SMARCC1: variants seen among roughly 807,000 people sequenced by gnomAD.
SMARCC1 encodes the protein SWI/SNF complex subunit SMARCC1.
Under a neutral mutation model 147.4 loss-of-function variants are expected in SMARCC1, and 43 were observed. That is an observed-to-expected ratio of 0.29 (90% CI 0.23 to 0.38). SMARCC1 has a LOEUF of 0.38. Among genes scored for constraint, SMARCC1 ranks in the 10% least tolerant of loss-of-function variants. The probability of loss-of-function intolerance (pLI) is 1.00; values close to 1 mark genes in which losing one functional copy is unlikely to be tolerated. For missense variants in SMARCC1, 1,119 were observed against 1,381.1 expected (o/e 0.81, Z 3.01); for synonymous variants, 495 against 484.4 (o/e 1.02, Z -0.29).
intron 26 of SMARCC1, among the ~76,000 whole-genome samples, chr3:47,592,995 T>C (rs1316569053): frequency 1.3e-5 from 2 of 151,930 alleles, no homozygotes; most frequent in Non-Finnish European, 1.5e-5. Context: ...CTTTTTTTTA[T>C]TTTTTATTTT....
intron 2 of SMARCC1, among the ~76,000 whole-genome samples, chr3:47,771,688 G>C (rs1265865397): frequency 6.6e-6 from 1 of 152,118 alleles, no homozygotes. Context: ...AGGTTGCAGT[G>C]AGCCAAGATC....
chr3:47,698,005 CAAAAAAAAAAAAAAAAAAA>C (rs71070213), intron 11 of SMARCC1, among the ~76,000 whole-genome samples: 1 of 12,490 alleles, frequency 8.0e-5, no homozygotes, highest in Non-Finnish European at 1.2e-4. Flanking sequence ...GCCTCCGCCT[CAAAAAAAAAAAAAAAAAAA>C]AAAAAAAAAG....
chr3:47,614,664 A>AG (rs1299604353), intron 25 of SMARCC1, among the ~76,000 whole-genome samples: 1 of 152,122 alleles, frequency 6.6e-6, no homozygotes, highest in Non-Finnish European at 1.5e-5. Flanking sequence ...CCCTGGTCCA[A>AG]GCCACCATAT....
chr3:47,677,685 G>C (rs910569293), intron 16 of SMARCC1, among the ~76,000 whole-genome samples: 1 of 151,718 alleles, frequency 6.6e-6, no homozygotes, highest in African/African-American at 2.4e-5. Context: ...TAAGATTACA[G>C]TCATGTGCCA....
At chr3:47,662,201 A>G in intron 20 of SMARCC1, 133 bp downstream of exon 20, 1 of 809,356 alleles carries the variant, frequency 1.2e-6, no homozygotes, top group South Asian at 1.9e-5. Context: ...TTTATAAAGA[A>G]TATGGTATCT....
At chr3:47,626,788 T>A (rs958860693) in intron 24 of SMARCC1, among the ~76,000 whole-genome samples, 7 of 152,156 alleles carry the variant, frequency 4.6e-5, no homozygotes, top group Non-Finnish European at 1.0e-4. Context: ...AACTTTCATG[T>A]CCTGTTTCTT....
rs1289450927 is a variant in SMARCC1 at position 47,702,653 on chromosome 3, C to G, written c.1041-1251G>C. Among the ~76,000 whole-genome samples the G allele has an allele frequency of 2.0e-5, 3 of 152,214 alleles. No individual in the cohort carries two copies. In the East Asian group the frequency reaches 5.8e-4, roughly 29 times the overall value. The stretch of plus-strand genomic sequence containing the variant: ...TCACTCTGTTGTCCAAGCTGGAATG[C>G]AGTGGTGCAATCACAGGTCACTGCA... On this transcript the variant is annotated intron_variant, in intron 10 of 27. Coordinates refer to ENST00000254480, the MANE Select transcript of SMARCC1 (RefSeq NM_003074.4).
chr3:47,748,324 G>A lies in SMARCC1; in HGVS notation c.316-2331C>T, dbSNP rs142265353. 8.4e-3 allele frequency among the ~76,000 whole-genome samples: 1,283 copies of A among 152,034 alleles called. 22 individuals are homozygous for A. The highest frequency in any genetic ancestry group is 0.027 in the African/African-American group (1,137 of 41,480). On this transcript the variant is annotated intron_variant, in intron 2 of 27. Coordinates refer to ENST00000254480, the MANE Select transcript of SMARCC1 (RefSeq NM_003074.4). ...TGCCTTCTGGGTTCAAGGAATTCTCGTATCTCAGCCTCCCAAGTAGTTGGG... is the reference window on the plus strand; with the variant it reads ...TGCCTTCTGGGTTCAAGGAATTCTCATATCTCAGCCTCCCAAGTAGTTGGG...
rs959640484 is a variant in SMARCC1 at position 47,722,688 on chromosome 3, C to T, written c.647-1953G>A. On this transcript the variant is annotated intron_variant, in intron 6 of 27. Transcript: ENST00000254480. Reference sequence around the variant, plus strand: ...CAACAAAAGGTGTGAGATGTAAGCTCGCTCTCTTCCCAGGTATTATAAATT... The same window carrying T: ...CAACAAAAGGTGTGAGATGTAAGCTTGCTCTCTTCCCAGGTATTATAAATT... 3.9e-5 allele frequency among the ~76,000 whole-genome samples: 6 copies of T among 152,106 alleles called. No homozygotes were observed. In the South Asian group the frequency reaches 1.0e-3, roughly 26 times the overall value.
intron 21 of SMARCC1, among the ~76,000 whole-genome samples, chr3:47,644,897 C>T (rs1442574020): frequency 6.6e-6 from 1 of 152,160 alleles, no homozygotes; most frequent in Non-Finnish European, 1.5e-5. Flanking sequence ...CTGTATTTCT[C>T]AGTATCTTTA....
At chr3:47,604,278 A>G in intron 26 of SMARCC1, 1 of 456,770 alleles carries the variant, frequency 2.2e-6, no homozygotes, top group Non-Finnish European at 4.4e-6. Flanking sequence ...GAGGCCAGAG[A>G]GATGAAAAAT....
At chr3:47,632,502 T>C (rs562251621) in intron 24 of SMARCC1, among the ~76,000 whole-genome samples, 2 of 152,062 alleles carry the variant, frequency 1.3e-5, no homozygotes, top group African/African-American at 2.4e-5. Flanking sequence ...CACTGAAGCA[T>C]AGCACAGTGG....
At chr3:47,643,099 G>A (rs1236683363) in intron 21 of SMARCC1, among the ~76,000 whole-genome samples, 3 of 152,144 alleles carry the variant, frequency 2.0e-5, no homozygotes, top group African/African-American at 4.8e-5. Flanking sequence ...GTTACTCGTA[G>A]AACCCGTCCA....
chr3:47,625,021 T>C (rs1409725850), intron 24 of SMARCC1, among the ~76,000 whole-genome samples: 2 of 151,662 alleles, frequency 1.3e-5, no homozygotes, highest in Non-Finnish European at 2.9e-5. Flanking sequence ...CAGAGCAAGA[T>C]GCTTTCTCAA....
chr3:47,699,145 A>G (rs2033888219), intron 11 of SMARCC1, among the ~76,000 whole-genome samples: 1 of 152,186 alleles, frequency 6.6e-6, no homozygotes, highest in African/African-American at 2.4e-5. Flanking sequence ...TTCTTAGGAC[A>G]CAAGAAAAGT....
Position 47,604,490 on chromosome 3 carries a change from A to C in SMARCC1, c.3043+5576T>G, listed in dbSNP as rs573728329. On this transcript the variant is annotated intron_variant, in intron 26 of 27. Transcript: ENST00000254480. ...CTGGAACTTAGGAATCATGAGTTGGAAGGACCTGCTCATAGTTCTTACCTT... is the reference window on the plus strand; with the variant it reads ...CTGGAACTTAGGAATCATGAGTTGGCAGGACCTGCTCATAGTTCTTACCTT... The C allele has an allele frequency of 3.3e-4, 121 of 365,798 alleles. 2 individuals carry two copies. The highest frequency in any genetic ancestry group is 2.4e-3 in the African/African-American group (111 of 46,998). The allele number at this position is 365,798 out of a possible 1,614,324, so 22.7% of individuals were successfully genotyped here.
chr3:47,610,419 CT>C, intron 25 of SMARCC1, 92 bp from the exon 26 acceptor site: 1 of 1,357,990 alleles, frequency 7.4e-7, no homozygotes. Context: ...CCTGAATTAC[CT>C]CTATCCCATC....
chr3:47,771,292 G>C (rs1453155096), intron 2 of SMARCC1, among the ~76,000 whole-genome samples: 6 of 152,070 alleles, frequency 3.9e-5, no homozygotes, highest in Non-Finnish European at 8.8e-5. Context: ...CCACAAAAAA[G>C]GTCTACTGAT....
intron 25 of SMARCC1, among the ~76,000 whole-genome samples, chr3:47,611,953 T>G (rs982828961): frequency 6.6e-6 from 1 of 152,080 alleles, no homozygotes; most frequent in East Asian, 1.9e-4. Context: ...GAGAGGGAGA[T>G]TTTCTGAAAC....
Sources: gnomAD v4.1 joint callset for allele counts (sites outside exome capture counted in the v4.1 genomes callset) on GRCh38, gnomAD v4.1.1 for gene constraint, MANE v1.5 for transcripts, NCBI Gene and HGNC (gene_info 2026-07-23, HGNC 2026-07-21) for gene names.